Variants in CSMD1 observed in about 807,000 individuals in gnomAD.
The protein encoded by CSMD1 is CUB and sushi domain-containing protein 1.
A neutral mutation model predicts 417.5 loss-of-function variants in CSMD1; 213 were observed. The ratio of observed to expected loss-of-function variants is 0.51; its 90% CI spans 0.46 to 0.57. The LOEUF (loss-of-function observed/expected upper bound fraction) is 0.57. Ranked by LOEUF, CSMD1 falls within the 20% of genes least tolerant of loss-of-function variation. The probability of loss-of-function intolerance (pLI) is 0.00; values close to 1 mark genes in which losing one functional copy is unlikely to be tolerated. For synonymous variants in CSMD1, 2,862 were observed against 1,736.8 expected (o/e 1.65, Z -16.11); for missense variants, 6,923 against 4,529.7 (o/e 1.53, Z -15.17).
intron 23 of CSMD1, among the ~76,000 whole-genome samples, chr8:3,342,397 C>G (rs1019425393): frequency 6.6e-5 from 10 of 152,122 alleles, no homozygotes; most frequent in African/African-American, 2.4e-4. Flanking sequence ...TTTTAAATTT[C>G]TAATGTCATG....
Position 4,296,282 on chromosome 8 carries a change from A to T in CSMD1, c.415+123671T>A, listed in dbSNP as rs77217336. ...ATAGCACCAGAATTCAGAAGTGCCC[A>T]AGGCAGGAAGAATTATTTCGTCCCT... On this transcript the variant is annotated intron_variant, in intron 3 of 69. Coordinates refer to ENST00000635120, the MANE Select transcript of CSMD1 (RefSeq NM_033225.6). 7.1e-4 allele frequency among the ~76,000 whole-genome samples: 108 copies of T among 152,236 alleles called. 1 individual carries two copies. The East Asian group carries it at 0.017, about 24-fold the overall frequency.
At chr8:3,445,096 G>A (rs1162170065) in intron 12 of CSMD1, among the ~76,000 whole-genome samples, 1 of 152,092 alleles carries the variant, frequency 6.6e-6, no homozygotes, top group Non-Finnish European at 1.5e-5. Flanking sequence ...CAGGGAAAAA[G>A]AAAAACAGAA....
rs1810541213 is a variant in CSMD1 at position 3,936,973 on chromosome 8, A to T, written c.818+60930T>A. Among the ~76,000 whole-genome samples the T allele has an allele frequency of 4.6e-5, 7 of 152,300 alleles. No homozygotes were observed. The South Asian group carries it at 1.4e-3, about 32-fold the overall frequency. The stretch of plus-strand genomic sequence containing the variant: ...ACCAGCACGAACAGGAGTTTAAAAG[A>T]AGTTGATTTCAATCCTCGTGAATGA... On this transcript the variant is annotated intron_variant, in intron 5 of 69. Transcript: ENST00000635120.
At chr8:4,230,613 G>T (rs896658503) in intron 3 of CSMD1, among the ~76,000 whole-genome samples, 13 of 152,076 alleles carry the variant, frequency 8.5e-5, no homozygotes. Flanking sequence ...GTATCAAGAT[G>T]TTTTTAAACC....
chr8:4,800,165 G>T (rs973459727), intron 1 of CSMD1, among the ~76,000 whole-genome samples: 4 of 152,076 alleles, frequency 2.6e-5, no homozygotes, highest in Admixed American at 1.3e-4. Flanking sequence ...TTGGCCGGCC[G>T]TGACGGCTCA....
intron 7 of CSMD1, among the ~76,000 whole-genome samples, chr8:3,630,532 C>T (rs1263450901): frequency 6.6e-6 from 1 of 152,166 alleles, no homozygotes; most frequent in Non-Finnish European, 1.5e-5. Context: ...GTCGCTACTC[C>T]TACAGACCCA....
At chr8:3,446,257 A>T (rs1254529317) in intron 12 of CSMD1, among the ~76,000 whole-genome samples, 1 of 152,212 alleles carries the variant, frequency 6.6e-6, no homozygotes, top group Non-Finnish European at 1.5e-5. Context: ...ACTCTCAGAA[A>T]TCGGAAACGT....
chr8:3,004,085 A>T (rs993393037), intron 52 of CSMD1, among the ~76,000 whole-genome samples: 4 of 150,432 alleles, frequency 2.7e-5, no homozygotes, highest in Admixed American at 6.7e-5. Context: ...TATTCACTGA[A>T]TTTTTTTTTT....
intron 3 of CSMD1, among the ~76,000 whole-genome samples, chr8:4,360,515 A>T (rs4875098): frequency 0.65 from 99,081 of 152,036 alleles, 32,599 homozygotes; most frequent in Admixed American, 0.74. Context: ...TTTGAGATGG[A>T]GTCTGGCTCT....
chr8:3,855,059 A>G (rs1804198890), intron 5 of CSMD1, among the ~76,000 whole-genome samples: 1 of 152,164 alleles, frequency 6.6e-6, no homozygotes, highest in Admixed American at 6.5e-5. Context: ...CTTGAGAGAA[A>G]TGAGAATACC....
At chr8:3,847,004 C>T (rs990211281) in intron 5 of CSMD1, among the ~76,000 whole-genome samples, 1 of 152,076 alleles carries the variant, frequency 6.6e-6, no homozygotes, top group Non-Finnish European at 1.5e-5. Flanking sequence ...TATGAATTTT[C>T]CAGATCCACA....
chr8:3,012,547 A>G (rs57319198), intron 52 of CSMD1, among the ~76,000 whole-genome samples: 17,197 of 152,228 alleles, frequency 0.11, 1,343 homozygotes, highest in East Asian at 0.33. Flanking sequence ...TAAACTACAA[A>G]ATATCTCAGC....
chr8:2,990,441 A>G lies in CSMD1; in HGVS notation c.8377+7570T>C, dbSNP rs572472890. On this transcript the variant is annotated intron_variant, in intron 54 of 69. Transcript: ENST00000635120. ...AGCTCCGGTTGACACATTTCAGGGT[A>G]TCCCCTAAACCCATCCCCCATTTTC... is the stretch of plus-strand genomic sequence containing the variant. Among the ~76,000 whole-genome samples, 9 of 152,326 alleles carry G rather than the reference A, an allele frequency of 5.9e-5. 1 individual carries two copies. The South Asian group carries it at 1.9e-3, about 32-fold the overall frequency.
At position 2,953,889 on chromosome 8, in the gene CSMD1, C is replaced by T. The variant is rs116478397; in HGVS notation, c.10039+335G>A. Among the ~76,000 whole-genome samples the T allele has an allele frequency of 7.0e-3, 1,062 of 152,320 alleles. 15 individuals carry two copies. The highest frequency in any genetic ancestry group is 0.024 in the African/African-American group (977 of 41,568). On this transcript the variant is annotated intron_variant, in intron 65 of 69. Transcript: ENST00000635120. ...GCTTCCTCATTTGGAGGAAAAAAGT[C>T]GCAACCCTCTTTATAAGGCTCTCCA...
chr8:4,145,360 G>GA lies in CSMD1; in HGVS notation c.416-113262dup. On this transcript the variant is annotated intron_variant, in intron 3 of 69. Transcript: ENST00000635120. ...TGATCCAATATGTCAGAAAGATCTG[G>GA]AAAAATGTCCCAAACATTATATACT... Among the ~76,000 whole-genome samples the GA allele has an allele frequency of 1.3e-5, 2 of 150,798 alleles. 1 individual carries two copies. Among genetic ancestry groups the GA allele is most frequent in the South Asian group, 4.2e-4 (2 of 4,806 alleles).
chr8:4,353,668 C>T (rs1801227259), intron 3 of CSMD1, among the ~76,000 whole-genome samples: 3 of 152,138 alleles, frequency 2.0e-5, no homozygotes, highest in Admixed American at 6.6e-5. Flanking sequence ...TGCCTTTACT[C>T]ATTTCTCTCA....
intron 1 of CSMD1, among the ~76,000 whole-genome samples, chr8:4,826,448 A>C (rs1194226793): frequency 6.6e-6 from 1 of 152,184 alleles, no homozygotes; most frequent in Non-Finnish European, 1.5e-5. Flanking sequence ...TAGTCACAGA[A>C]GCAGGGATAT....
intron 20 of CSMD1, among the ~76,000 whole-genome samples, chr8:3,363,911 A>T (rs1373961298): frequency 6.6e-6 from 1 of 152,188 alleles, no homozygotes; most frequent in Non-Finnish European, 1.5e-5. Flanking sequence ...AGGTTTATCT[A>T]AGCCAACTGG....
At chr8:4,182,262 T>C (rs902171100) in intron 3 of CSMD1, among the ~76,000 whole-genome samples, 2 of 152,146 alleles carry the variant, frequency 1.3e-5, no homozygotes, top group Non-Finnish European at 2.9e-5. Flanking sequence ...ATCTAGATTA[T>C]CGTTTGCATG....
Sources: gnomAD v4.1 joint callset for allele counts (sites outside exome capture counted in the v4.1 genomes callset) on GRCh38, gnomAD v4.1.1 for gene constraint, MANE v1.5 for transcripts, NCBI Gene and HGNC (gene_info 2026-07-23, HGNC 2026-07-21) for gene names.